ZDHHC11B: variants seen among roughly 807,000 people sequenced by gnomAD.
The protein encoded by ZDHHC11B is zDHHC palmitoyltransferase 11B (putative).
In ZDHHC11B, 17 loss-of-function variants were observed where a neutral mutation model predicts 42.3. The observed-to-expected ratio is 0.40, with a 90% CI of 0.27 to 0.60. ZDHHC11B has a LOEUF of 0.60. Ranked by LOEUF, ZDHHC11B falls within the 20% of genes least tolerant of loss-of-function variation. ZDHHC11B has a pLI of 0.41. For synonymous variants in ZDHHC11B, 123 were observed against 193.5 expected, an observed-to-expected ratio of 0.64 and a Z score of 3.02; for missense variants, 262 against 463.2, an observed-to-expected ratio of 0.57 and a Z score of 3.99.
chr5:765,677 G>T (rs1735202566), intron 4 of ZDHHC11B, among the ~76,000 whole-genome samples: 1 of 151,878 alleles, frequency 6.6e-6, no homozygotes, highest in Non-Finnish European at 1.5e-5. Flanking sequence ...CTCACTCTTT[G>T]GCTCCGCACT....
intron 4 of ZDHHC11B, among the ~76,000 whole-genome samples, chr5:760,212 G>A (rs1185455546): frequency 2.2e-4 from 34 of 151,754 alleles, no homozygotes; most frequent in Admixed American, 2.0e-3. Flanking sequence ...GTGGAGGGTC[G>A]ACTCGATCCC....
At chr5:766,618 C>T (rs1456596903) in intron 4 of ZDHHC11B, 80 bp downstream of exon 4, 5 of 1,435,398 alleles carry the variant, frequency 3.5e-6, no homozygotes, top group Non-Finnish European at 4.8e-6. Flanking sequence ...GCAGCCATGG[C>T]CCAGACCCCA....
intron 4 of ZDHHC11B, among the ~76,000 whole-genome samples, chr5:763,105 C>A (rs1439892322): frequency 6.6e-6 from 1 of 151,856 alleles, no homozygotes; most frequent in East Asian, 1.9e-4. Flanking sequence ...CGCGGTGGCT[C>A]ACGCCTATAA....
At chr5:762,103 C>T (rs1198830338) in intron 4 of ZDHHC11B, among the ~76,000 whole-genome samples, 1 of 126,536 alleles carries the variant, frequency 7.9e-6, no homozygotes, top group Non-Finnish European at 1.7e-5. Flanking sequence ...CCACTCATGG[C>T]CCCAGACAGT....
intron 12 of ZDHHC11B, among the ~76,000 whole-genome samples, chr5:724,020 C>T (rs1385328542): frequency 1.4e-5 from 2 of 146,118 alleles, no homozygotes; most frequent in East Asian, 2.1e-4. Context: ...GCTGCATCTG[C>T]CCTCCTCTCC....
intron 1 of ZDHHC11B, among the ~76,000 whole-genome samples, chr5:774,967 G>C (rs753413696): frequency 2.0e-5 from 3 of 152,014 alleles, no homozygotes; most frequent in Non-Finnish European, 4.4e-5. Context: ...AGCCTTGCTG[G>C]CAGAGGAGGC....
chr5:737,379 A>T (rs1381228625), intron 10 of ZDHHC11B, among the ~76,000 whole-genome samples: 12 of 149,480 alleles, frequency 8.0e-5, no homozygotes, highest in African/African-American at 3.0e-4. Context: ...CCAGGCATCC[A>T]AAGAAGGACT....
At position 710,877 on chromosome 5, in the gene ZDHHC11B, T is replaced by C. The variant is rs1351669246; in HGVS notation, c.*1413A>G. 9.2e-5 allele frequency: 14 copies of C among 152,108 alleles called. No individual in the cohort carries two copies. In the East Asian group the frequency reaches 2.4e-3, roughly 26 times the overall value. 9.4% of individuals were successfully genotyped at this position (152,108 alleles called of 1,614,324 possible). On this transcript the variant is annotated 3_prime_UTR_variant, in exon 14 of 14. Coordinates refer to ENST00000508859, the MANE Select transcript of ZDHHC11B (RefSeq NM_001351303.2). ...ACTGTGAGCTCCCATTTCCCAGTAC[T>C]GTGCTCCCAATTCCCAGTACTGTGC... is the stretch of plus-strand genomic sequence containing the variant.
intron 1 of ZDHHC11B, among the ~76,000 whole-genome samples, chr5:771,740 A>G (rs28472277): frequency 0.65 from 94,629 of 145,942 alleles, 26,456 homozygotes; most frequent in East Asian, 0.8. Context: ...CACCCAGAAC[A>G]GTGGTGGGCG....
chr5:745,499 C>A (rs2127059590), intron 8 of ZDHHC11B, among the ~76,000 whole-genome samples: 1 of 150,070 alleles, frequency 6.7e-6, no homozygotes, highest in Middle Eastern at 3.4e-3. Context: ...AGCTGATGGT[C>A]AGCAGGAGGG....
At chr5:760,255 C>T (rs199748035) in intron 4 of ZDHHC11B, among the ~76,000 whole-genome samples, 6 of 151,856 alleles carry the variant, frequency 4.0e-5, no homozygotes, top group Non-Finnish European at 5.9e-5. Flanking sequence ...CCGCAGCACC[C>T]GTGGATGTGA....
intron 13 of ZDHHC11B, among the ~76,000 whole-genome samples, chr5:715,283 T>C (rs1234837349): frequency 6.7e-6 from 1 of 150,150 alleles, no homozygotes; most frequent in Admixed American, 6.6e-5. Flanking sequence ...TTTTTGCAGA[T>C]TATTTGCAAG....
At chr5:778,452 A>AG (rs1473179658) in intron 1 of ZDHHC11B, among the ~76,000 whole-genome samples, 2 of 144,362 alleles carry the variant, frequency 1.4e-5, no homozygotes, top group African/African-American at 2.5e-5. Flanking sequence ...GAGGCTCTCA[A>AG]GGGGGCAGAG....
Position 739,421 on chromosome 5 carries a change from C to CAAACA in ZDHHC11B, c.935+2172_935+2173insTGTTT, listed in dbSNP as rs1429722524. On this transcript the variant is annotated intron_variant, in intron 10 of 13. Coordinates refer to ENST00000508859, the MANE Select transcript of ZDHHC11B (RefSeq NM_001351303.2). Reference sequence around the variant, plus strand: ...TCAAACAAACAAACAAACAAACAAACAACAAAACCAATCCCATCAAAAAGT... The same window carrying CAAACA: ...TCAAACAAACAAACAAACAAACAAACAAACAAACAAAACCAATCCCATCAAAAAGT... 3.2e-3 allele frequency among the ~76,000 whole-genome samples: 486 copies of CAAACA among 150,298 alleles called. 1 individual carries two copies. The highest frequency in any genetic ancestry group is 0.012 in the African/African-American group (466 of 40,388).
rs1175767392 is a variant in ZDHHC11B, at chr5:764,685, C to T, written c.222+2013G>A. ...GCGCAGCCCGAGCCTCCCCAGTGAG[C>T]ACCGTCCCCTGCTCTGCGGCACCCG... On this transcript the variant is annotated intron_variant, in intron 4 of 13. Transcript: ENST00000508859. Among the ~76,000 whole-genome samples the T allele has an allele frequency of 3.3e-5, 5 of 152,040 alleles. No individual in the cohort carries two copies. In the South Asian group the frequency reaches 1.0e-3, roughly 32 times the overall value.
chr5:718,543 CA>C (rs1741944320), intron 12 of ZDHHC11B, among the ~76,000 whole-genome samples: 2 of 151,244 alleles, frequency 1.3e-5, no homozygotes, highest in African/African-American at 2.4e-5. Flanking sequence ...AACAAACAAA[CA>C]AAAAAGCTGA....
chr5:752,481 C>T (rs1194627977), intron 6 of ZDHHC11B, among the ~76,000 whole-genome samples: 1 of 85,692 alleles, frequency 1.2e-5, no homozygotes, highest in African/African-American at 3.3e-5. Flanking sequence ...GTCTTTCTGC[C>T]ATGATGATAT....
At chr5:777,173 C>T (rs1736577066) in intron 1 of ZDHHC11B, among the ~76,000 whole-genome samples, 1 of 151,884 alleles carries the variant, frequency 6.6e-6, no homozygotes, top group Admixed American at 6.6e-5. Flanking sequence ...TTTCTTCCTT[C>T]TGGTGGGTTC....
chr5:746,943 G>A (rs547672831), intron 8 of ZDHHC11B, among the ~76,000 whole-genome samples: 2 of 124,572 alleles, frequency 1.6e-5, no homozygotes, highest in East Asian at 2.9e-4. Flanking sequence ...CTCCTGTTGT[G>A]GGGGGACTCA....
Sources: allele counts gnomAD v4.1 joint callset (sites outside exome capture counted in the v4.1 genomes callset), GRCh38; gene constraint gnomAD v4.1.1; transcripts MANE v1.5; gene names NCBI Gene and HGNC (gene_info 2026-07-23, HGNC 2026-07-21).